Variants in DIS3L observed in about 807,000 individuals in gnomAD.
The protein encoded by DIS3L is DIS3 like exosome 3'-5' exoribonuclease.
DIS3L carries 100 observed loss-of-function variants against 120.3 expected under a neutral mutation model. That is an observed-to-expected ratio of 0.83 (90% CI 0.71 to 0.98). The LOEUF is 0.98. DIS3L is among the 50% of genes least tolerant of loss of function. DIS3L has a pLI of 0.00. For synonymous variants in DIS3L, 426 were observed against 470.6 expected, an observed-to-expected ratio of 0.91 and a Z score of 1.23; for missense variants, 1,196 against 1,314.2, an observed-to-expected ratio of 0.91 and a Z score of 1.39.
chr15:66,316,167 A>G (rs925855586), intron 7 of DIS3L, among the ~76,000 whole-genome samples: 5 of 152,102 alleles, frequency 3.3e-5, no homozygotes, highest in African/African-American at 1.2e-4. Flanking sequence ...CTGGACGTCT[A>G]ATGGGCATCT....
intron 7 of DIS3L, among the ~76,000 whole-genome samples, chr15:66,317,514 G>A (rs962131446): frequency 6.6e-6 from 1 of 152,134 alleles, no homozygotes; most frequent in African/African-American, 2.4e-5. Flanking sequence ...AAGAAAGACT[G>A]AAAACGCGCA....
intron 12 of DIS3L, chr15:66,326,611 GCT>G (rs2092941121): frequency 4.7e-6 from 2 of 422,532 alleles, no homozygotes; most frequent in South Asian, 5.0e-5. Flanking sequence ...ATAGAGTCTT[GCT>G]CTGTCACCCA....
At chr15:66,293,837 G>C in intron 1 of DIS3L, 102 bp downstream of exon 1, 2 of 1,027,824 alleles carry the variant, frequency 1.9e-6, no homozygotes, top group Non-Finnish European at 2.3e-6. Context: ...GCGGGGACAC[G>C]GAGGCGTAGG....
chr15:66,305,655 G>A (rs755056014), intron 2 of DIS3L, among the ~76,000 whole-genome samples: 12 of 152,082 alleles, frequency 7.9e-5, no homozygotes, highest in Admixed American at 4.6e-4. Context: ...CTCCCGAGGA[G>A]CTGGAACTAC....
chr15:66,310,159 T>C (rs1328245397), intron 4 of DIS3L, among the ~76,000 whole-genome samples: 1 of 152,198 alleles, frequency 6.6e-6, no homozygotes, highest in Non-Finnish European at 1.5e-5. Flanking sequence ...GGGTTTTGAA[T>C]TGCAGATTCT....
In DIS3L at chr15:66,329,292, T is replaced by G. The variant is rs2092973634; in HGVS notation, c.2428T>G (p.Leu810Val). 1 of 1,614,050 alleles carries G rather than the reference T, an allele frequency of 6.2e-7. No homozygotes were observed. Among genetic ancestry groups the G allele is most frequent in the African/African-American group, 1.3e-5 (1 of 74,940 alleles). ...RRYSDIVVHR[L>V]LMAAISKDKK... ...ATATTCAGATATTGTAGTACACCGC[T>G]TGTTAATGGCAGCCATTTCAAAAGA... The change falls in exon 14 of 17, where the codon TTG becomes GTG. Residue 810 changes from leucine to valine, a missense_variant. Leu to Val is a conservative substitution (Grantham distance 32, BLOSUM62 1). Transcript: ENST00000319212.
chr15:66,307,191 C>T (rs774273581), intron 3 of DIS3L, among the ~76,000 whole-genome samples: 3 of 152,120 alleles, frequency 2.0e-5, no homozygotes, highest in Non-Finnish European at 4.4e-5. Context: ...TATGTTTGCC[C>T]CAGACCCTAG....
At chr15:66,317,708 G>A (rs987259860) in intron 7 of DIS3L, among the ~76,000 whole-genome samples, 1 of 151,928 alleles carries the variant, frequency 6.6e-6, no homozygotes, top group Non-Finnish European at 1.5e-5. Context: ...TGGGTATGAT[G>A]GCACGTGCCT....
chr15:66,332,852 T>G lies in DIS3L; in HGVS notation c.2798T>G (p.Ile933Ser), dbSNP rs773107215. 7.4e-6 allele frequency: 12 copies of G among 1,613,906 alleles called. No homozygotes were observed. The highest frequency in any genetic ancestry group is 3.3e-5 in the Admixed American group (2 of 59,978). ...PGSLQRFQNKITSTTTDGESV... is the reference protein window; with the variant it reads ...PGSLQRFQNKSTSTTTDGESV... ...TCCCTTCAACGATTTCAAAACAAAA[T>G]TACCTCTACTACAACAGATGGGGAA... Residue 933 changes from isoleucine (I) to serine (S), a missense_variant, in exon 16 of 17, where the codon ATT becomes AGT. Transcript: ENST00000319212.
chr15:66,327,574 G>A (rs1261182094), intron 12 of DIS3L, among the ~76,000 whole-genome samples: 4 of 151,704 alleles, frequency 2.6e-5, no homozygotes, highest in Non-Finnish European at 5.9e-5. Context: ...TGGCTAACAC[G>A]GTGAAACCCC....
At chr15:66,329,757 C>G (rs2092979972) in intron 14 of DIS3L, 5 of 973,986 alleles carry the variant, frequency 5.1e-6, no homozygotes, top group Non-Finnish European at 6.1e-6. Context: ...ACAAAAAATA[C>G]AAAAATTAGC....
chr15:66,310,714 C>T (rs984673191), intron 4 of DIS3L, among the ~76,000 whole-genome samples: 1 of 152,142 alleles, frequency 6.6e-6, no homozygotes, highest in African/African-American at 2.4e-5. Context: ...GAACAGGACT[C>T]TGAAATTAGT....
At chr15:66,323,169 G>A (rs2092903188) in intron 10 of DIS3L, among the ~76,000 whole-genome samples, 1 of 152,090 alleles carries the variant, frequency 6.6e-6, no homozygotes, top group Non-Finnish European at 1.5e-5. Flanking sequence ...AATCGAAATG[G>A]GTTAAATTTT....
chr15:66,298,322 G>GA lies in DIS3L; in HGVS notation c.293+3188dup, dbSNP rs780726704. 2.9e-4 allele frequency among the ~76,000 whole-genome samples: 44 copies of GA among 149,812 alleles called. 1 individual carries two copies. The highest frequency in any genetic ancestry group is 1.5e-3 in the Admixed American group (22 of 14,970). On this transcript the variant is annotated intron_variant, in intron 2 of 16. Transcript: ENST00000319212. ...TGATATATCCATCTTGTTTCTAAAA[G>GA]AAAAAAATCCTCCTGGATACCCAGT...
Position 66,326,193 on chromosome 15 carries a change from T to C in DIS3L, c.2030T>C (p.Val677Ala). 6.2e-7 allele frequency: 1 copy of C among 1,614,158 alleles called. No individual in the cohort carries two copies. The highest frequency in any genetic ancestry group is 8.5e-7 in the Non-Finnish European group (1 of 1,180,030). Reference sequence around the variant, plus strand: ...CTCATCCCCAAGCAGCCCCTGGAAGTCCACGAGACAGTGGCTGAATGCATG... The same window carrying C: ...CTCATCCCCAAGCAGCCCCTGGAAGCCCACGAGACAGTGGCTGAATGCATG... ...HDLIPKQPLE[V>A]HETVAECMIL... The change falls in exon 12 of 17, where the codon GTC (valine) becomes GCC (alanine). Residue 677 changes from valine to alanine, a missense_variant. Transcript: ENST00000319212.
intron 2 of DIS3L, among the ~76,000 whole-genome samples, chr15:66,298,078 C>T (rs951488154): frequency 6.9e-6 from 1 of 144,250 alleles, no homozygotes; most frequent in Admixed American, 7.3e-5. Flanking sequence ...ACTCAGGAGA[C>T]GGAGGCAGGA....
At chr15:66,301,457 T>G (rs2092647350) in intron 2 of DIS3L, among the ~76,000 whole-genome samples, 1 of 151,854 alleles carries the variant, frequency 6.6e-6, no homozygotes. Context: ...ATTTTTGTAT[T>G]TTTAGTAAAG....
At chr15:66,294,161 C>T in intron 1 of DIS3L, 2 of 985,708 alleles carry the variant, frequency 2.0e-6, no homozygotes, top group Non-Finnish European at 2.4e-6. Context: ...ACATCGCCTG[C>T]TTTGCAGCCA....
chr15:66,317,342 TGG>T (rs11309737), intron 7 of DIS3L, among the ~76,000 whole-genome samples: 1 of 131,208 alleles, frequency 7.6e-6, no homozygotes, highest in Admixed American at 7.9e-5. Flanking sequence ...TAAATATTTG[TGG>T]GAAAAAAAAA....
Sources: allele counts gnomAD v4.1 joint callset (sites outside exome capture counted in the v4.1 genomes callset), GRCh38; gene constraint gnomAD v4.1.1; transcripts MANE v1.5; gene names NCBI Gene and HGNC (gene_info 2026-07-23, HGNC 2026-07-21).